The following GART variants were observed in gnomAD, a reference collection of about 807,000 sequenced individuals.
The protein encoded by GART is phosphoribosylglycinamide formyltransferase, phosphoribosylglycinamide synthetase, phosphoribosylaminoimidazole synthetase, also known as trifunctional purine biosynthetic protein adenosine-3.
In GART, 43 loss-of-function variants were observed where a neutral mutation model predicts 107.2. The ratio of observed to expected loss-of-function variants is 0.40; its 90% CI spans 0.31 to 0.52. GART has a LOEUF of 0.52. GART is among the 20% of genes least tolerant of loss of function. The pLI is 0.52. For synonymous variants in GART, 434 were observed against 427.0 expected (o/e 1.02, Z -0.20); for missense variants, 1,107 against 1,206.5 (o/e 0.92, Z 1.22).
In GART at chr21:33,511,352, G is replaced by A. The variant is rs369695111; in HGVS notation, c.2214C>T (p.Val738=). 3.1e-5 allele frequency: 50 copies of A among 1,614,142 alleles called. No homozygotes were observed. The African/African-American group carries it at 5.1e-4, about 16-fold the overall frequency. The change falls in exon 17 of 22, where the codon GTC becomes GTT. Residue 738 remains valine (V), a synonymous_variant. Coordinates refer to ENST00000381815, the MANE Select transcript of GART (RefSeq NM_000819.5). ...CTGTCTGCTCCTTTGATACCACAAG[G>A]ACAGCGCCAACCCCACAGTTAAATG... The part of the protein sequence containing the change: ...ARTFNCGVGA[V]LVVSKEQTEQ...
intron 11 of GART, chr21:33,524,394 C>CA (rs1192795347): frequency 4.6e-6 from 3 of 658,336 alleles, no homozygotes; most frequent in African/African-American, 4.0e-5. Flanking sequence ...ACAAAAAATA[C>CA]AAAAAAATTA....
At chr21:33,519,071 G>T in intron 14 of GART, 2 of 290,690 alleles carry the variant, frequency 6.9e-6, no homozygotes, top group East Asian at 9.0e-5. Context: ...CCTTCTTTCT[G>T]TTTCTTTTCC....
chr21:33,532,498 C>G (rs774940359), intron 4 of GART, 42 bp from the exon 5 acceptor site: 1 of 1,417,036 alleles, frequency 7.1e-7, no homozygotes, highest in Non-Finnish European at 9.9e-7. Context: ...TAAACCATTA[C>G]AACTCAAGAT....
intron 2 of GART, among the ~76,000 whole-genome samples, chr21:33,536,027 T>C (rs2085298650): frequency 6.6e-6 from 1 of 151,196 alleles, no homozygotes; most frequent in Non-Finnish European, 1.5e-5. Context: ...AACGAAACTC[T>C]GTCTCAAAAA....
At chr21:33,537,907 T>C (rs1186628932) in intron 2 of GART, among the ~76,000 whole-genome samples, 1 of 152,124 alleles carries the variant, frequency 6.6e-6, no homozygotes, top group Non-Finnish European at 1.5e-5. Flanking sequence ...AAGCTTAATG[T>C]AGTATATGAA....
chr21:33,509,639 G>T, intron 18 of GART, 144 bp downstream of exon 18: 1 of 731,732 alleles, frequency 1.4e-6, no homozygotes, highest in Non-Finnish European at 2.1e-6. Flanking sequence ...GAAAGACTAA[G>T]AATGCTGAAA....
chr21:33,512,289 G>GA (rs563178142), intron 16 of GART, among the ~76,000 whole-genome samples: 10,087 of 65,624 alleles, frequency 0.15, 1,034 homozygotes, highest in Non-Finnish European at 0.19. Flanking sequence ...GACTCAAATT[G>GA]AAAAAAAAAA....
chr21:33,522,008 C>T (rs2007053), intron 12 of GART, among the ~76,000 whole-genome samples, 180 bp downstream of exon 12: 123,375 of 149,932 alleles, frequency 0.82, 51,050 homozygotes, highest in East Asian at 0.98. Context: ...TTTAACATGA[C>T]AGATGAGAAA....
chr21:33,518,905 A>C (rs944146050), intron 14 of GART: 1 of 517,808 alleles, frequency 1.9e-6, no homozygotes, highest in Non-Finnish European at 3.8e-6. Flanking sequence ...GAAAGTGTTC[A>C]CTGCCCCAGA....
chr21:33,535,804 G>C (rs934473448), intron 2 of GART, among the ~76,000 whole-genome samples: 1 of 152,116 alleles, frequency 6.6e-6, no homozygotes, highest in Admixed American at 6.6e-5. Context: ...GAGGTGGGTG[G>C]ATCACCTAAG....
At chr21:33,505,866 CA>C in intron 19 of GART, 107 bp downstream of exon 19, 1 of 1,493,434 alleles carries the variant, frequency 6.7e-7, no homozygotes, top group Non-Finnish European at 9.1e-7. Context: ...AGCACCCACC[CA>C]AAATGGCGAA....
rs1163981007 is a variant in GART, at chr21:33,505,805, T to C, written c.2584-103A>G. On this transcript the variant is annotated intron_variant, in intron 19 of 21. Coordinates refer to ENST00000381815, the MANE Select transcript of GART (RefSeq NM_000819.5). Reference sequence around the variant, plus strand: ...CATACTTCACTTCCTTGTAAAGATATACCTGATAGAGAGATTATTAAGAAA... The same window carrying C: ...CATACTTCACTTCCTTGTAAAGATACACCTGATAGAGAGATTATTAAGAAA... The C allele has an allele frequency of 1.4e-5, 19 of 1,332,000 alleles. No individual in the cohort carries two copies. In the East Asian group the frequency reaches 3.7e-4, roughly 26 times the overall value. The allele number at this position is 1,332,000 out of a possible 1,614,324, so 82.5% of individuals were successfully genotyped here. A position where few individuals can be genotyped will look rare whatever the true frequency, so the allele number is the denominator to read the frequency against.
chr21:33,539,237 CATG>C lies in GART; in HGVS notation c.76_78del (p.His26del). 1 of 1,614,178 alleles carries C rather than the reference CATG, an allele frequency of 6.2e-7. No homozygotes were observed. The highest frequency in any genetic ancestry group is 8.5e-7 in the Non-Finnish European group (1 of 1,180,006). On this transcript the variant is annotated inframe_deletion, in exon 2 of 22. Transcript: ENST00000381815. ...CCTGGGGCAACCAACACTTGTTTGA[CATG>C]ATGAGACTGTGCAAGTTTCCAGGCC...
At chr21:33,539,788 C>T (rs1183125916) in intron 1 of GART, among the ~76,000 whole-genome samples, 2 of 151,780 alleles carry the variant, frequency 1.3e-5, no homozygotes, top group East Asian at 3.9e-4. Flanking sequence ...TTTTGAAAAA[C>T]TGGGATTCAT....
chr21:33,522,079 T>C (rs1016866153), intron 12 of GART, 109 bp downstream of exon 12: 4 of 788,546 alleles, frequency 5.1e-6, no homozygotes, highest in South Asian at 1.7e-5. Flanking sequence ...GGGCAAAACT[T>C]ACAGTAACCA....
intron 17 of GART, chr21:33,510,167 G>A (rs183289022): frequency 1.1e-4 from 44 of 405,174 alleles, no homozygotes; most frequent in South Asian, 8.5e-4. Context: ...TGAAGTGCAC[G>A]GTGGATATAT....
intron 10 of GART, 86 bp from the exon 11 acceptor site, chr21:33,525,086 T>TA (rs1342323761): frequency 2.7e-6 from 2 of 740,980 alleles, no homozygotes; most frequent in African/African-American, 4.0e-5. Flanking sequence ...ACAAGTTTCT[T>TA]TTTTTTTTTT....
In GART at chr21:33,532,785, T is replaced by C. The variant is rs188843461; in HGVS notation, c.417-329A>G. On this transcript the variant is annotated intron_variant, in intron 4 of 21. Transcript: ENST00000381815. ...TACAAAGTAGCAAATAGTACTCTCATTCAGGTAGAAAATGCGGCTGTATAA... is the reference window on the plus strand; with the variant it reads ...TACAAAGTAGCAAATAGTACTCTCACTCAGGTAGAAAATGCGGCTGTATAA... Among the ~76,000 whole-genome samples the C allele has an allele frequency of 2.0e-4, 30 of 152,266 alleles. No individual in the cohort carries two copies. In the East Asian group the frequency reaches 2.7e-3, roughly 14 times the overall value.
intron 1 of GART, among the ~76,000 whole-genome samples, chr21:33,541,452 T>C (rs1217972011): frequency 6.6e-6 from 1 of 152,242 alleles, no homozygotes; most frequent in Non-Finnish European, 1.5e-5. Context: ...AACAGATCTT[T>C]AAATCTAGAG....
Sources: gnomAD v4.1 joint callset for allele counts (sites outside exome capture counted in the v4.1 genomes callset) on GRCh38, gnomAD v4.1.1 for gene constraint, MANE v1.5 for transcripts, NCBI Gene and HGNC (gene_info 2026-07-23, HGNC 2026-07-21) for gene names.